Variants in HMGB1 observed in about 807,000 individuals in gnomAD.
HMGB1 encodes high mobility group protein B1.
For synonymous variants in HMGB1, 81 were observed against 84.0 expected, an observed-to-expected ratio of 0.96 and a Z score of 0.19; for missense variants, 79 against 253.5, an observed-to-expected ratio of 0.31 and a Z score of 4.67.
At chr13:30,613,128 G>A (rs1593347460) in intron 1 of HMGB1, among the ~76,000 whole-genome samples, 1 of 152,204 alleles carries the variant, frequency 6.6e-6, no homozygotes, top group South Asian at 2.1e-4. Context: ...GGTCCAGGCT[G>A]GAGTGCAGAG....
intron 1 of HMGB1, among the ~76,000 whole-genome samples, chr13:30,591,050 T>TTTTTTTTTTA (rs1871345569): frequency 6.7e-6 from 1 of 148,246 alleles, no homozygotes. Flanking sequence ...TTTTTTTTTT[T>TTTTTTTTTTA]GAGACAAAGC....
chr13:30,497,628 C>G (rs756816149), intron 1 of HMGB1, among the ~76,000 whole-genome samples: 3 of 152,014 alleles, frequency 2.0e-5, no homozygotes, highest in African/African-American at 4.8e-5. Flanking sequence ...CAAGTAGGCC[C>G]CAGTGTCTCT....
intron 1 of HMGB1, among the ~76,000 whole-genome samples, chr13:30,558,365 C>T (rs1869780496): frequency 6.6e-6 from 1 of 152,114 alleles, no homozygotes; most frequent in South Asian, 2.1e-4. Flanking sequence ...GTGAACAGTG[C>T]TGAATTTTAA....
At chr13:30,593,376 G>A (rs1410595201) in intron 1 of HMGB1, among the ~76,000 whole-genome samples, 1 of 152,134 alleles carries the variant, frequency 6.6e-6, no homozygotes, top group Non-Finnish European at 1.5e-5. Context: ...ATTTGGTAAT[G>A]TTTGTTGAAT....
chr13:30,594,024 T>G (rs999967069), intron 1 of HMGB1, among the ~76,000 whole-genome samples: 1 of 152,246 alleles, frequency 6.6e-6, no homozygotes, highest in African/African-American at 2.4e-5. Flanking sequence ...TTAGGAATTA[T>G]TCACCTAAGA....
Position 30,501,260 on chromosome 13 carries a change from G to A in HMGB1, c.-14-37566C>T, listed in dbSNP as rs543146828. 1.6e-3 allele frequency among the ~76,000 whole-genome samples: 238 copies of A among 152,318 alleles called. 1 individual carries two copies. Among genetic ancestry groups the A allele is most frequent in the African/African-American group, 5.6e-3 (231 of 41,562 alleles). On this transcript the variant is annotated intron_variant, in intron 1 of 4. Coordinates refer to the HMGB1 transcript ENST00000405805. ...TATATATGTAAAATTGGATGTGGAA[G>A]TATCTATGGATAGCTCCATGCATTT...
chr13:30,460,957 T>C lies in HMGB1; in HGVS notation c.*400A>G, dbSNP rs866056757. On this transcript the variant is annotated 3_prime_UTR_variant, in exon 5 of 5. Coordinates refer to ENST00000341423, the MANE Select transcript of HMGB1 (RefSeq NM_002128.7). ...ATGTCAACAAAACAGCTGCAACTTTTTTTTTTTTTTTGCAATTACAGAGTG... is the reference window on the plus strand; with the variant it reads ...ATGTCAACAAAACAGCTGCAACTTTCTTTTTTTTTTTGCAATTACAGAGTG... 2.3e-3 allele frequency: 1,770 copies of C among 753,438 alleles called. 18 individuals carry two copies. In the East Asian group the frequency reaches 0.042, roughly 18 times the overall value. 46.7% of individuals were successfully genotyped at this position (753,438 alleles called of 1,614,324 possible).
upstream of HMGB1, among the ~76,000 whole-genome samples, chr13:30,468,442 C>G (rs375055265): frequency 6.6e-6 from 1 of 152,000 alleles, no homozygotes; most frequent in Non-Finnish European, 1.5e-5. Context: ...TTAGTAGAGA[C>G]GGGGTTTCAC....
chr13:30,518,995 A>T (rs964716762), intron 1 of HMGB1, among the ~76,000 whole-genome samples: 1 of 151,634 alleles, frequency 6.6e-6, no homozygotes, highest in African/African-American at 2.4e-5. Context: ...AGGGGTTGGG[A>T]TTATGGGTGT....
At chr13:30,503,196 T>G (rs542218509) in intron 1 of HMGB1, among the ~76,000 whole-genome samples, 1 of 151,810 alleles carries the variant, frequency 6.6e-6, no homozygotes, top group South Asian at 2.1e-4. Flanking sequence ...AAAAGAAAAT[T>G]AGCTAGGCGT....
At chr13:30,583,583 C>T (rs756716077) in intron 1 of HMGB1, among the ~76,000 whole-genome samples, 35 of 149,570 alleles carry the variant, frequency 2.3e-4, no homozygotes, top group Non-Finnish European at 4.4e-4. Flanking sequence ...CACCTGTAAT[C>T]CCATCACTTT....
chr13:30,528,579 A>G (rs968565894), intron 1 of HMGB1, among the ~76,000 whole-genome samples: 33 of 152,354 alleles, frequency 2.2e-4, no homozygotes, highest in African/African-American at 7.9e-4. Flanking sequence ...AAAAAGAGAA[A>G]CAATGAGTTA....
intron 1 of HMGB1, among the ~76,000 whole-genome samples, chr13:30,522,692 G>C (rs1888267423): frequency 6.6e-6 from 1 of 151,902 alleles, no homozygotes; most frequent in Non-Finnish European, 1.5e-5. Context: ...TTGGGAAAAG[G>C]CTCAGTTATA....
intron 1 of HMGB1, among the ~76,000 whole-genome samples, chr13:30,566,674 A>T (rs1201437327): frequency 6.6e-6 from 1 of 152,182 alleles, no homozygotes; most frequent in Non-Finnish European, 1.5e-5. Flanking sequence ...CCTTGAAACC[A>T]TGCATTTAAT....
At chr13:30,600,594 A>C (rs1395171084) in intron 1 of HMGB1, among the ~76,000 whole-genome samples, 1 of 152,170 alleles carries the variant, frequency 6.6e-6, no homozygotes, top group African/African-American at 2.4e-5. Context: ...GAGTATTCCT[A>C]ATCCAAAAAT....
chr13:30,461,787 G>C, intron 4 of HMGB1: 1 of 759,120 alleles, frequency 1.3e-6, no homozygotes, highest in Non-Finnish European at 2.1e-6. Flanking sequence ...TCATTGAGGT[G>C]CAATTATGTA....
chr13:30,611,312 G>A (rs910104080), intron 1 of HMGB1, among the ~76,000 whole-genome samples: 13 of 152,116 alleles, frequency 8.5e-5, no homozygotes, highest in Admixed American at 5.9e-4. Flanking sequence ...ACAGGCATGC[G>A]CCAACGTGCC....
chr13:30,557,301 G>A (rs1053894601), intron 1 of HMGB1, among the ~76,000 whole-genome samples: 1 of 152,104 alleles, frequency 6.6e-6, no homozygotes, highest in Non-Finnish European at 1.5e-5. Flanking sequence ...GAAATAAGGT[G>A]CTCCTCAGTT....
chr13:30,506,230 G>A (rs528846973), intron 1 of HMGB1, among the ~76,000 whole-genome samples: 2 of 152,300 alleles, frequency 1.3e-5, no homozygotes, highest in Non-Finnish European at 2.9e-5. Context: ...GGAATGAGCT[G>A]AGTGGGCAGG....
Sources: gnomAD v4.1 joint callset for allele counts (sites outside exome capture counted in the v4.1 genomes callset) on GRCh38, gnomAD v4.1.1 for gene constraint, MANE v1.5 for transcripts, NCBI Gene and HGNC (gene_info 2026-07-23, HGNC 2026-07-21) for gene names.